Variants in OGFOD2 observed in about 807,000 individuals in gnomAD.
OGFOD2 encodes 2-oxoglutarate and iron dependent oxygenase domain containing 2, also known as 2-oxoglutarate and iron-dependent oxygenase domain-containing protein 2.
In OGFOD2, 34 loss-of-function variants were observed where a neutral mutation model predicts 31.1. That is an observed-to-expected ratio of 1.09 (90% CI 0.83 to 1.45). OGFOD2 has a LOEUF of 1.45. OGFOD2 is among the 40% of genes most tolerant of loss of function. The pLI is 0.00. For synonymous variants in OGFOD2, 240 were observed against 192.3 expected (o/e 1.25, Z -2.05); for missense variants, 537 against 433.9 (o/e 1.24, Z -2.11).
exon 7 of OGFOD2, chr12:122,979,851 A>G (rs1399601639): frequency 9.0e-6 from 2 of 223,414 alleles, no homozygotes; most frequent in African/African-American, 2.3e-5. Flanking sequence ...AGCATCTTCT[A>G]GATGGCAGAG....
At chr12:122,980,008 C>G (rs1309004442) in exon 7 of OGFOD2, 1 of 425,906 alleles carries the variant, frequency 2.3e-6, no homozygotes, top group Non-Finnish European at 4.0e-6. Flanking sequence ...TTTTGGGAGT[C>G]AAATGCGCTG....
In OGFOD2 at chr12:122,979,070, G is replaced by C; in HGVS notation, c.790-13G>C. ...AGCTGTGAGTGCCCAGGCCTGAGTCGTGCCATCTGCAGGCACCCACAGCCC... is the reference window on the plus strand; with the variant it reads ...AGCTGTGAGTGCCCAGGCCTGAGTCCTGCCATCTGCAGGCACCCACAGCCC... On this transcript the variant is annotated splice_polypyrimidine_tract_variant and intron_variant, in intron 6 of 6. Coordinates refer to ENST00000228922, the Ensembl canonical transcript of OGFOD2. 6.3e-7 allele frequency: 1 copy of C among 1,597,716 alleles called. No homozygotes were observed.
chr12:122,975,815 T>C (rs1166759364), exon 2 of OGFOD2: 1 of 702,960 alleles, frequency 1.4e-6, no homozygotes, highest in Admixed American at 2.0e-5. Flanking sequence ...TCCCAGATCC[T>C]GCGCAGCCGA....
exon 7 of OGFOD2, chr12:122,980,015 G>A (rs950143551): frequency 6.0e-5 from 26 of 433,296 alleles, no homozygotes; most frequent in Non-Finnish European, 1.0e-4. Context: ...AGTCAAATGC[G>A]CTGACGTATA....
In OGFOD2 at chr12:122,976,862, T is replaced by G. The variant is rs1187334408; in HGVS notation, c.304-9T>G. ...TGCCTGCCCCACAGCTGGTGTGTTTTGCTCCCAGGATGCAGCTCTGGCCCC... is the reference window on the plus strand; with the variant it reads ...TGCCTGCCCCACAGCTGGTGTGTTTGGCTCCCAGGATGCAGCTCTGGCCCC... On this transcript the variant is annotated splice_polypyrimidine_tract_variant and intron_variant, in intron 3 of 6. Transcript: ENST00000228922. The G allele has an allele frequency of 6.2e-7, 1 of 1,600,796 alleles. No homozygotes were observed. The highest frequency in any genetic ancestry group is 1.7e-5 in the Admixed American group (1 of 59,586).
At chr12:122,978,911 G>A in exon 6 of OGFOD2, 1 of 1,613,066 alleles carries the variant, frequency 6.2e-7, no homozygotes, top group Admixed American at 1.7e-5. Flanking sequence ...GCCAGGACCT[G>A]GAGCTGGGCT....
Position 122,976,765 on chromosome 12 carries a change from C to T in OGFOD2, c.301C>T (p.Gln101Ter), listed in dbSNP as rs1474138696. The change falls in exon 3 of 7, where the codon CAG (glutamine) becomes TAG (stop). Residue 101 changes from glutamine to a stop codon, truncating the protein, a stop_gained and splice_region_variant. Coordinates refer to ENST00000228922, the Ensembl canonical transcript of OGFOD2. LOFTEE classifies it high-confidence loss of function. ...ACGGCCTGAGGTCTACGACTCACTG[C>T]AGGTACCAGCCAGCCAGAGTGCTTG... 2 of 1,611,550 alleles carry T rather than the reference C, an allele frequency of 1.2e-6. No individual in the cohort carries two copies. Among genetic ancestry groups the T allele is most frequent in the Admixed American group, 1.7e-5 (1 of 59,982 alleles).
intron 4 of OGFOD2, chr12:122,977,628 G>T (rs1566211525): frequency 6.1e-6 from 1 of 162,846 alleles, no homozygotes; most frequent in Non-Finnish European, 1.4e-5. Context: ...TGCATAGAGT[G>T]CCTGTCACAG....
chr12:122,974,911 C>T (rs58025094), upstream of OGFOD2: 4 of 205,464 alleles, frequency 1.9e-5, no homozygotes, highest in Non-Finnish European at 3.9e-5. Context: ...GGGCAGACGG[C>T]GGGGGGTGGG....
Position 122,975,582 on chromosome 12 carries a change from A to C in OGFOD2, c.132+199A>C, listed in dbSNP as rs1255539792. 8.4e-6 allele frequency: 5 copies of C among 592,876 alleles called. No individual in the cohort carries two copies. The East Asian group carries it at 1.1e-4, about 13-fold the overall frequency. 36.7% of individuals were successfully genotyped at this position (592,876 alleles called of 1,614,324 possible). On this transcript the variant is annotated intron_variant, in intron 1 of 6. Coordinates refer to ENST00000228922, the Ensembl canonical transcript of OGFOD2. ...CCTGTGAGATTGTGAGGAAGGAATG[A>C]ACAAGCATGTAGGGTGCTTAGGACA...
chr12:122,976,888 C>CG lies in OGFOD2; in HGVS notation c.322dup (p.Glu108GlyfsTer7), dbSNP rs1345078468. On this transcript the variant is annotated frameshift_variant, in exon 4 of 7. Transcript: ENST00000228922. LOFTEE classifies it high-confidence loss of function. ...GCTCCCAGGATGCAGCTCTGGCCCC[C>CG]GAGTTCCTGGCCGTGACTGAGTACA... 1 of 1,607,742 alleles carries CG rather than the reference C, an allele frequency of 6.2e-7. No individual in the cohort carries two copies. The highest frequency in any genetic ancestry group is 2.2e-5 in the East Asian group (1 of 44,730).
At position 122,976,990 on chromosome 12, in the gene OGFOD2, A is replaced by C; in HGVS notation, c.403+20A>C. 1 of 1,602,716 alleles carries C rather than the reference A, an allele frequency of 6.2e-7. No individual in the cohort carries two copies. ...TATCGGGTGAGGTCCTGGCCCTGAG[A>C]CCTGGCAGGACCAGGGAATGGCAGC... On this transcript the variant is annotated intron_variant, in intron 4 of 6. Transcript: ENST00000228922.
intron 4 of OGFOD2, chr12:122,977,648 G>C (rs190460293): frequency 6.3e-6 from 1 of 158,052 alleles, no homozygotes; most frequent in Non-Finnish European, 1.4e-5. Context: ...GGGCCCGCAC[G>C]TAGTGTTTGG....
chr12:122,977,119 A>C, intron 4 of OGFOD2, 149 bp downstream of exon 4: 1 of 718,774 alleles, frequency 1.4e-6, no homozygotes, highest in African/African-American at 1.7e-5. Flanking sequence ...CCAACCTGCC[A>C]GGAGCAGGAC....
intron 3 of OGFOD2, 38 bp from the exon 4 acceptor site, chr12:122,976,833 G>C: frequency 1.3e-6 from 2 of 1,595,580 alleles, no homozygotes; most frequent in Non-Finnish European, 1.7e-6. Flanking sequence ...AGGGCTGGGG[G>C]TGCTGCCTGC....
rs577472179 is a variant in OGFOD2, at chr12:122,975,699, C to T, written c.133-112C>T. 4.5e-5 allele frequency: 30 copies of T among 663,644 alleles called. No homozygotes were observed. The African/African-American group carries it at 4.6e-4, about 10-fold the overall frequency. The allele number at this position is 663,644 out of a possible 1,614,324, so 41.1% of individuals were successfully genotyped here. On this transcript the variant is annotated intron_variant, in intron 1 of 6. Coordinates refer to ENST00000228922, the Ensembl canonical transcript of OGFOD2. ...TTCCGCAGTTCATTCTCTCCATGAT[C>T]CTTTGAGGTCGGGGCTCCTCTCCCC... is the stretch of plus-strand genomic sequence containing the variant.
intron 1 of OGFOD2, chr12:122,975,608 G>C: frequency 1.7e-6 from 1 of 602,952 alleles, no homozygotes; most frequent in Non-Finnish European, 3.0e-6. Flanking sequence ...GCTTAGGACA[G>C]GGCCGGGCTC....
chr12:122,974,950 T>C, upstream of OGFOD2: 1 of 268,358 alleles, frequency 3.7e-6, no homozygotes, highest in Non-Finnish European at 7.1e-6. Context: ...GCCTTGGGGC[T>C]CCGAGTCCCT....
At chr12:122,976,275 C>G (rs556264202) in intron 2 of OGFOD2, 7 of 1,130,536 alleles carry the variant, frequency 6.2e-6, no homozygotes, top group Admixed American at 3.7e-5. Context: ...GCTGCTGCCC[C>G]ACTCCCTCCT....
Sources: gnomAD v4.1 joint callset for allele counts on GRCh38, gnomAD v4.1.1 for gene constraint, MANE v1.5 for transcripts, NCBI Gene and HGNC (gene_info 2026-07-23, HGNC 2026-07-21) for gene names.